WDR4: variants seen among roughly 807,000 people sequenced by gnomAD.
The protein encoded by WDR4 is tRNA (guanine-N(7)-)-methyltransferase non-catalytic subunit WDR4.
Under a neutral mutation model 48.6 loss-of-function variants are expected in WDR4, and 47 were observed. The observed-to-expected ratio is 0.97, with a 90% confidence interval of 0.77 to 1.23. The LOEUF (loss-of-function observed/expected upper bound fraction) is 1.23, where lower values mean the gene tolerates loss of function less well. Ranked by LOEUF, WDR4 falls within the 50% of genes most tolerant of loss-of-function variation. WDR4 has a pLI of 0.00. For synonymous variants in WDR4, 268 were observed against 230.0 expected (o/e 1.17, Z -1.49); for missense variants, 606 against 551.6 (o/e 1.10, Z -0.99).
Position 42,853,641 on chromosome 21 carries a change from C to G in WDR4, c.903G>C (p.Gln301His). The G allele has an allele frequency of 6.2e-7, 1 of 1,605,756 alleles. No individual in the cohort carries two copies. The highest frequency in any genetic ancestry group is 8.5e-7 in the Non-Finnish European group (1 of 1,177,270). ...GGCAGTCCTGGAGCACCCACAGCCC[C>G]TGGGTCTCCTCGAAAGCCACGTCCC... ...QVWDVAFEET[Q>H]GLWVLQDCQE... Residue 301 changes from glutamine to histidine, a missense_variant, in exon 9 of 11, where the codon CAG becomes CAC. Gln to His is a conservative substitution (Grantham distance 24, BLOSUM62 0). Coordinates refer to ENST00000398208, the MANE Select transcript of WDR4 (RefSeq NM_018669.6).
In WDR4 at chr21:42,865,484, C is replaced by T. The variant is rs185134648; in HGVS notation, c.297-1888G>A. ...GAAGGCGTGTGGCACAGATGGCCCC[C>T]GACACCGTGCCTCCTGCCCAGCTCA... On this transcript the variant is annotated intron_variant, in intron 3 of 10. Coordinates refer to ENST00000398208, the MANE Select transcript of WDR4 (RefSeq NM_018669.6). 8.5e-4 allele frequency among the ~76,000 whole-genome samples: 130 copies of T among 152,288 alleles called. 1 individual carries two copies. The highest frequency in any genetic ancestry group is 1.5e-3 in the Non-Finnish European group (105 of 68,018).
At chr21:42,891,621 G>A in the WDR4 span, among the ~76,000 whole-genome samples, 45 of 152,008 alleles carry the variant, frequency 3.0e-4, no homozygotes, top group Non-Finnish European at 1.2e-4. Context: ...AGGCGAGCAT[G>A]ACCTTTTCCC....
At chr21:42,848,367 C>T (rs528499538), downstream of WDR4, among the ~76,000 whole-genome samples, 6 of 148,238 alleles carry the variant, frequency 4.0e-5, no homozygotes, top group Admixed American at 4.0e-4. Flanking sequence ...CGCACGATCA[C>T]GTGGCCTGCA....
At chr21:42,876,583 C>T (rs575790535) in intron 2 of WDR4, 119 bp downstream of exon 2, 48 of 924,142 alleles carry the variant, frequency 5.2e-5, no homozygotes, top group Admixed American at 3.2e-4. Flanking sequence ...TACTTATCTG[C>T]ACCACTGTGT....
the WDR4 span, among the ~76,000 whole-genome samples, chr21:42,890,530 C>T: frequency 1.3e-5 from 2 of 152,178 alleles, no homozygotes; most frequent in African/African-American, 2.4e-5. Context: ...AGCGAGACTC[C>T]GTCTCAAAAA....
downstream of WDR4, among the ~76,000 whole-genome samples, chr21:42,848,162 CAT>C (rs1259641674): frequency 1.3e-5 from 2 of 152,222 alleles, no homozygotes; most frequent in Non-Finnish European, 2.9e-5. Flanking sequence ...TACCCCACAT[CAT>C]AGTCATCGCC....
upstream of WDR4, among the ~76,000 whole-genome samples, chr21:42,884,474 C>T (rs763885661): frequency 4.6e-5 from 7 of 151,940 alleles, no homozygotes; most frequent in Non-Finnish European, 8.8e-5. Context: ...TTGTGAAACC[C>T]CACTTCTACT....
At chr21:42,850,802 C>T (rs1386551250) in intron 10 of WDR4, among the ~76,000 whole-genome samples, 1 of 152,198 alleles carries the variant, frequency 6.6e-6, no homozygotes, top group African/African-American at 2.4e-5. Flanking sequence ...CATGTTCTGC[C>T]GCCACAGGGA....
intron 5 of WDR4, among the ~76,000 whole-genome samples, chr21:42,860,526 G>C (rs991626697): frequency 6.6e-6 from 1 of 152,236 alleles, no homozygotes; most frequent in Non-Finnish European, 1.5e-5. Context: ...GGTGGCCCGT[G>C]AGCCTCACTC....
At chr21:42,883,919 C>T (rs930185050), upstream of WDR4, 13 of 152,408 alleles carry the variant, frequency 8.5e-5, no homozygotes, top group African/African-American at 2.9e-4. Context: ...TTTCATCACC[C>T]ACAAAATAAA....
At chr21:42,878,189 C>G (rs2058545587) in intron 1 of WDR4, among the ~76,000 whole-genome samples, 1 of 152,140 alleles carries the variant, frequency 6.6e-6, no homozygotes, top group Admixed American at 6.5e-5. Context: ...AGGCACTTAC[C>G]AACATAAGAA....
intron 3 of WDR4, among the ~76,000 whole-genome samples, chr21:42,866,844 T>G (rs191861122): frequency 6.6e-6 from 1 of 152,222 alleles, no homozygotes; most frequent in Admixed American, 6.5e-5. Flanking sequence ...AAAAAGATTA[T>G]TGAGGAATTT....
At chr21:42,885,956 AT>A in the WDR4 span, among the ~76,000 whole-genome samples, 1,090 of 122,806 alleles carry the variant, frequency 8.9e-3, 8 homozygotes, top group African/African-American at 0.026. Flanking sequence ...CTCAGCATAG[AT>A]TTTTTTTTTT....
At chr21:42,859,429 C>G (rs897913054) in intron 6 of WDR4, among the ~76,000 whole-genome samples, 2 of 152,122 alleles carry the variant, frequency 1.3e-5, no homozygotes, top group Admixed American at 6.5e-5. Context: ...TCCACACACC[C>G]GTGCTAGTTC....
chr21:42,860,428 A>C (rs2058088294), intron 5 of WDR4, among the ~76,000 whole-genome samples: 2 of 152,250 alleles, frequency 1.3e-5, no homozygotes. Flanking sequence ...GGCACCTACA[A>C]GGGTGACAAG....
downstream of WDR4, among the ~76,000 whole-genome samples, chr21:42,846,473 C>T (rs576677578): frequency 3.9e-5 from 6 of 152,326 alleles, no homozygotes; most frequent in South Asian, 2.1e-4. Context: ...TAGTCACACA[C>T]GTGCATTCAG....
chr21:42,845,511 TC>T (rs1569306969), downstream of WDR4, among the ~76,000 whole-genome samples: 1 of 152,046 alleles, frequency 6.6e-6, no homozygotes, highest in Non-Finnish European at 1.5e-5. Context: ...GCGGCACATT[TC>T]CCCCAGGGTA....
chr21:42,885,674 A>G, the WDR4 span, among the ~76,000 whole-genome samples: 1 of 152,128 alleles, frequency 6.6e-6, no homozygotes, highest in Non-Finnish European at 1.5e-5. Flanking sequence ...CCCTGCTAGG[A>G]TATTGATTAG....
At chr21:42,875,792 A>G (rs1333883071) in intron 2 of WDR4, among the ~76,000 whole-genome samples, 1 of 152,162 alleles carries the variant, frequency 6.6e-6, no homozygotes, top group Non-Finnish European at 1.5e-5. Context: ...CACATGCTCT[A>G]CTTTTATATC....
Sources: allele counts gnomAD v4.1 joint callset (sites outside exome capture counted in the v4.1 genomes callset), GRCh38; gene constraint gnomAD v4.1.1; transcripts MANE v1.5; gene names NCBI Gene and HGNC (gene_info 2026-07-23, HGNC 2026-07-21).